The following TTC28 variants were observed in gnomAD, a reference collection of about 807,000 sequenced individuals.
TTC28 encodes the protein tetratricopeptide repeat protein 28.
A neutral mutation model predicts 198.0 loss-of-function variants in TTC28; 61 were observed. The ratio of observed to expected loss-of-function variants is 0.31; its 90% CI spans 0.25 to 0.38. The LOEUF (loss-of-function observed/expected upper bound fraction) is 0.38, where lower values mean the gene tolerates loss of function less well. Among genes scored for constraint, TTC28 ranks in the 10% least tolerant of loss-of-function variants. TTC28 has a pLI of 1.00. For synonymous variants in TTC28, 1,171 were observed against 1,297.8 expected, an observed-to-expected ratio of 0.90 and a Z score of 2.10; for missense variants, 2,678 against 3,164.0, an observed-to-expected ratio of 0.85 and a Z score of 3.69.
intron 2 of TTC28, among the ~76,000 whole-genome samples, chr22:28,579,768 A>C (rs1271417371): frequency 1.3e-5 from 2 of 152,160 alleles, no homozygotes; most frequent in Admixed American, 6.6e-5. Flanking sequence ...CAGGAGTTCA[A>C]GACCAGCCTG....
intron 2 of TTC28, among the ~76,000 whole-genome samples, chr22:28,528,910 AAAC>A (rs199963729): frequency 0.021 from 3,192 of 152,302 alleles, 56 homozygotes; most frequent in Non-Finnish European, 0.031. Flanking sequence ...TCAGACATAC[AAAC>A]AACAACTATT....
chr22:27,996,945 A>G (rs1413143410), intron 16 of TTC28, among the ~76,000 whole-genome samples: 1 of 152,228 alleles, frequency 6.6e-6, no homozygotes, highest in African/African-American at 2.4e-5. Flanking sequence ...ACAAAACTAA[A>G]CAAACAAAGA....
rs564739231 is a variant in TTC28, at chr22:28,670,694, G to C, written c.102+8928C>G. The stretch of plus-strand genomic sequence containing the variant: ...TTTTTGTGTGAACAATTGTTTTGAT[G>C]TCTTTAGGGCATATATATATATATA... On this transcript the variant is annotated intron_variant, in intron 1 of 22. Coordinates refer to ENST00000397906, the MANE Select transcript of TTC28 (RefSeq NM_001145418.2). Among the ~76,000 whole-genome samples the C allele has an allele frequency of 6.3e-4, 81 of 128,350 alleles. 1 individual carries two copies. In the South Asian group the frequency reaches 0.014, roughly 22 times the overall value. The allele number at this position is 128,350 out of a possible 152,430, so 84.2% of individuals were successfully genotyped here. A position where few individuals can be genotyped will look rare whatever the true frequency, so the allele number is the denominator to read the frequency against.
In TTC28 at chr22:28,265,007, T is replaced by C. The variant is rs1931590032; in HGVS notation, c.933+31191A>G. ...GACAATTTCAATATGAGAATCTACT[T>C]TATACAAGAATTCCTTGAAAATAAG... On this transcript the variant is annotated intron_variant, in intron 5 of 22. Coordinates refer to ENST00000397906, the MANE Select transcript of TTC28 (RefSeq NM_001145418.2). 1.3e-5 allele frequency among the ~76,000 whole-genome samples: 2 copies of C among 152,300 alleles called. 1 individual carries two copies. The highest frequency in any genetic ancestry group is 4.8e-5 in the African/African-American group (2 of 41,572).
chr22:28,626,844 T>C (rs1349697662), intron 2 of TTC28, among the ~76,000 whole-genome samples: 1 of 151,966 alleles, frequency 6.6e-6, no homozygotes, highest in Non-Finnish European at 1.5e-5. Flanking sequence ...CAGAAACCAA[T>C]AATATAAATT....
chr22:28,390,444 G>A (rs2046698028), intron 2 of TTC28, among the ~76,000 whole-genome samples: 1 of 152,210 alleles, frequency 6.6e-6, no homozygotes, highest in Non-Finnish European at 1.5e-5. Flanking sequence ...ACAGTGGGGT[G>A]TTAAAGTCTC....
chr22:28,066,453 A>G (rs1940758395), intron 12 of TTC28, among the ~76,000 whole-genome samples: 1 of 152,070 alleles, frequency 6.6e-6, no homozygotes, highest in African/African-American at 2.4e-5. Context: ...TACATAACTG[A>G]AAGTCTATAT....
chr22:28,198,877 C>T (rs1925625036), intron 5 of TTC28, among the ~76,000 whole-genome samples: 1 of 152,106 alleles, frequency 6.6e-6, no homozygotes, highest in East Asian at 1.9e-4. Context: ...ATCACTTCCA[C>T]TTACATTCTA....
chr22:28,590,762 A>C (rs2050412715), intron 2 of TTC28, among the ~76,000 whole-genome samples: 1 of 151,256 alleles, frequency 6.6e-6, no homozygotes, highest in South Asian at 2.1e-4. Flanking sequence ...TAATCCCAGC[A>C]CTTTGGGAGG....
Position 28,679,838 on chromosome 22 carries a change from A to C in TTC28, c.-115T>G. On this transcript the variant is annotated 5_prime_UTR_variant, in exon 1 of 23. Coordinates refer to ENST00000397906, the MANE Select transcript of TTC28 (RefSeq NM_001145418.2). ...GCTGCGCGCCGCCGCGGCGCCCCTCACTGCCCCCAAACCGCGCGCGCGCCC... is the reference window on the plus strand; with the variant it reads ...GCTGCGCGCCGCCGCGGCGCCCCTCCCTGCCCCCAAACCGCGCGCGCGCCC... 6.6e-6 allele frequency: 2 copies of C among 304,092 alleles called. No homozygotes were observed. The highest frequency in any genetic ancestry group is 1.0e-5 in the Non-Finnish European group (2 of 198,612). 18.8% of individuals were successfully genotyped at this position (304,092 alleles called of 1,614,324 possible).
chr22:28,547,235 T>G (rs1367951100), intron 2 of TTC28, among the ~76,000 whole-genome samples: 1 of 152,076 alleles, frequency 6.6e-6, no homozygotes, highest in Non-Finnish European at 1.5e-5. Flanking sequence ...TGTGTGTGTG[T>G]CTTATGCACA....
At chr22:28,230,238 T>TA (rs1209627064) in intron 5 of TTC28, among the ~76,000 whole-genome samples, 2 of 152,166 alleles carry the variant, frequency 1.3e-5, no homozygotes, top group Non-Finnish European at 2.9e-5. Context: ...ATATGAGAGA[T>TA]ACAGCAAAGA....
chr22:28,166,135 T>A (rs1601414889), intron 5 of TTC28, among the ~76,000 whole-genome samples: 1 of 152,160 alleles, frequency 6.6e-6, no homozygotes, highest in South Asian at 2.1e-4. Flanking sequence ...CTATCCTAAA[T>A]ACATATGCAC....
chr22:28,511,236 C>T (rs1281898843), intron 2 of TTC28, among the ~76,000 whole-genome samples: 1 of 152,148 alleles, frequency 6.6e-6, no homozygotes. Flanking sequence ...CTGGAAGCAT[C>T]ATGCTACCCA....
At chr22:28,025,227 C>T (rs1938782230) in intron 13 of TTC28, among the ~76,000 whole-genome samples, 1 of 152,098 alleles carries the variant, frequency 6.6e-6, no homozygotes, top group Non-Finnish European at 1.5e-5. Flanking sequence ...AGAAAAGAGC[C>T]TTTGGTGCCG....
intron 2 of TTC28, among the ~76,000 whole-genome samples, chr22:28,390,635 A>G (rs1367821984): frequency 6.6e-6 from 1 of 152,084 alleles, no homozygotes; most frequent in East Asian, 1.9e-4. Context: ...GCTGGTTTAA[A>G]GTCTGTTTTA....
chr22:28,651,319 T>TTTTTTTTTTTTTTTTTTTG (rs2051560439), intron 1 of TTC28, among the ~76,000 whole-genome samples: 1 of 151,628 alleles, frequency 6.6e-6, no homozygotes, highest in Non-Finnish European at 1.5e-5. Flanking sequence ...TCCTTTTTTT[T>TTTTTTTTTTTTTTTTTTTG]GAGACAGGGT....
chr22:28,579,910 C>T (rs1010771362), intron 2 of TTC28, among the ~76,000 whole-genome samples: 1 of 151,960 alleles, frequency 6.6e-6, no homozygotes, highest in Admixed American at 6.6e-5. Flanking sequence ...ACAGAAGTTG[C>T]GGTGAGCCAA....
intron 2 of TTC28, among the ~76,000 whole-genome samples, chr22:28,509,159 C>G (rs1555885312): frequency 6.6e-6 from 1 of 150,506 alleles, no homozygotes; most frequent in Non-Finnish European, 1.5e-5. Flanking sequence ...CCACTGCACT[C>G]TAGCCTGGGC....
Sources: allele counts gnomAD v4.1 joint callset (sites outside exome capture counted in the v4.1 genomes callset), GRCh38; gene constraint gnomAD v4.1.1; transcripts MANE v1.5; gene names NCBI Gene and HGNC (gene_info 2026-07-23, HGNC 2026-07-21).